Variants in SV2C observed in about 807,000 individuals in gnomAD.
The protein encoded by SV2C is synaptic vesicle glycoprotein 2C.
In SV2C, 49 loss-of-function variants were observed where a neutral mutation model predicts 79.7. The observed-to-expected ratio is 0.61, with a 90% confidence interval of 0.49 to 0.78. The LOEUF (loss-of-function observed/expected upper bound fraction) is 0.78. SV2C is among the 30% of genes least tolerant of loss of function. The probability of loss-of-function intolerance (pLI) is 0.00; values close to 1 mark genes in which losing one functional copy is unlikely to be tolerated. For missense variants in SV2C, 833 were observed against 912.9 expected (o/e 0.91, Z 1.13); for synonymous variants, 334 against 333.2 (o/e 1.00, Z -0.03).
Position 76,116,223 on chromosome 5 carries a change from CCTTATTTTTAT to C in SV2C, c.-101-15424_-101-15414del, listed in dbSNP as rs561340673. Among the ~76,000 whole-genome samples, 47 of 152,310 alleles carry C rather than the reference CCTTATTTTTAT, an allele frequency of 3.1e-4. No homozygotes were observed. The South Asian group carries it at 9.3e-3, about 30-fold the overall frequency. On this transcript the variant is annotated intron_variant, in intron 1 of 12. Coordinates refer to ENST00000502798, the MANE Select transcript of SV2C (RefSeq NM_014979.4). ...AGAGCTGCTCTAACCCCTTACCCTG[CCTTATTTTTAT>C]CTGTGGCACTCACCACTACATGGAG...
intron 1 of SV2C, chr5:76,083,893 G>T: frequency 6.6e-6 from 1 of 152,404 alleles, no homozygotes. Flanking sequence ...GGCAGGGATA[G>T]GCAGATTCAA....
At chr5:75,882,644 T>C in the SV2C span, among the ~76,000 whole-genome samples, 1 of 151,942 alleles carries the variant, frequency 6.6e-6, no homozygotes, top group African/African-American at 2.4e-5. Context: ...AAACAAGCAA[T>C]GAGGAAAGGA....
At chr5:75,997,707 A>G in the SV2C span, among the ~76,000 whole-genome samples, 444 of 152,296 alleles carry the variant, frequency 2.9e-3, 2 homozygotes, top group African/African-American at 0.01. Context: ...GCTGGAGAGG[A>G]TGTGGAGAAA....
At chr5:76,023,047 A>G in the SV2C span, among the ~76,000 whole-genome samples, 1 of 152,244 alleles carries the variant, frequency 6.6e-6, no homozygotes, top group South Asian at 2.1e-4. Context: ...TCACAGTGAA[A>G]CAACTAACTG....
At position 76,328,509 on chromosome 5, in the gene SV2C, C is replaced by G. The variant is rs937953464; in HGVS notation, c.*2962C>G. On this transcript the variant is annotated 3_prime_UTR_variant, in exon 13 of 13. Coordinates refer to ENST00000502798, the MANE Select transcript of SV2C (RefSeq NM_014979.4). ...GGTTTTAAGGCACCCAACTCACATTCAGTCCTGCTGCCTGAATCATCTCAC... is the reference window on the plus strand; with the variant it reads ...GGTTTTAAGGCACCCAACTCACATTGAGTCCTGCTGCCTGAATCATCTCAC... The G allele has an allele frequency of 2.0e-5, 3 of 152,206 alleles. No homozygotes were observed. The highest frequency in any genetic ancestry group is 7.2e-5 in the African/African-American group (3 of 41,446). 9.4% of individuals were successfully genotyped at this position (152,206 alleles called of 1,614,324 possible).
At chr5:76,076,603 G>A in the SV2C span, among the ~76,000 whole-genome samples, 1 of 151,984 alleles carries the variant, frequency 6.6e-6, no homozygotes, top group Non-Finnish European at 1.5e-5. Flanking sequence ...CATAGGATTT[G>A]CATTTCTTTC....
At chr5:76,297,624 C>T (rs1747820471) in intron 9 of SV2C, among the ~76,000 whole-genome samples, 1 of 151,858 alleles carries the variant, frequency 6.6e-6, no homozygotes, top group Non-Finnish European at 1.5e-5. Flanking sequence ...ACTCTGGGTC[C>T]CTGGAGTGGG....
At chr5:76,140,515 C>T (rs892088220) in intron 2 of SV2C, among the ~76,000 whole-genome samples, 1 of 152,128 alleles carries the variant, frequency 6.6e-6, no homozygotes, top group African/African-American at 2.4e-5. Context: ...TAAGATTCCC[C>T]TTTGCTAGTT....
At chr5:76,220,611 C>G (rs746371123) in intron 4 of SV2C, among the ~76,000 whole-genome samples, 7 of 109,296 alleles carry the variant, frequency 6.4e-5, no homozygotes, top group Non-Finnish European at 1.1e-4. Context: ...GGAAGGGACA[C>G]TGTCTTAAAA....
rs552760893 is a variant in SV2C at position 76,181,741 on chromosome 5, A to G, written c.581-13178A>G. ...CCACTTCCCACCAGGCCCCACCTTCAACATGTGGGGATTACAATTCAACTT... is the reference window on the plus strand; with the variant it reads ...CCACTTCCCACCAGGCCCCACCTTCGACATGTGGGGATTACAATTCAACTT... On this transcript the variant is annotated intron_variant, in intron 2 of 12. Transcript: ENST00000502798. 8.5e-5 allele frequency among the ~76,000 whole-genome samples: 13 copies of G among 152,324 alleles called. No individual in the cohort carries two copies. In the South Asian group the frequency reaches 1.2e-3, roughly 15 times the overall value.
chr5:75,880,818 CTG>C, the SV2C span, among the ~76,000 whole-genome samples: 1 of 152,120 alleles, frequency 6.6e-6, no homozygotes, highest in Admixed American at 6.6e-5. Flanking sequence ...TACCAATTTT[CTG>C]TATTAGGCCA....
chr5:75,911,223 T>G, the SV2C span: 1 of 1,572,692 alleles, frequency 6.4e-7, no homozygotes, highest in Non-Finnish European at 8.7e-7. Context: ...AGCCCTCTCC[T>G]ACCATTGGGA....
chr5:76,245,936 A>ATGTGTATGTGTGTGTGTGTG (rs375007331), intron 4 of SV2C, among the ~76,000 whole-genome samples: 266 of 129,146 alleles, frequency 2.1e-3, no homozygotes, highest in African/African-American at 6.8e-3. Context: ...GTGTGTGTGT[A>ATGTGTATGTGTGTGTGTGTG]TGTGTGTGTG....
the SV2C span, among the ~76,000 whole-genome samples, chr5:75,978,837 G>C: frequency 3.8e-3 from 578 of 152,134 alleles, 8 homozygotes; most frequent in African/African-American, 0.013. Flanking sequence ...GCTCATACCT[G>C]TAATTCCACC....
chr5:76,187,377 C>A (rs559086125), intron 2 of SV2C, among the ~76,000 whole-genome samples: 16 of 152,306 alleles, frequency 1.1e-4, no homozygotes, highest in African/African-American at 3.4e-4. Context: ...ACAAGTAGCA[C>A]TATTGCTTGA....
the SV2C span, among the ~76,000 whole-genome samples, chr5:75,967,422 T>C: frequency 6.6e-6 from 1 of 152,160 alleles, no homozygotes; most frequent in African/African-American, 2.4e-5. Context: ...CCTTTCCTAC[T>C]CAAAGAAGGG....
At chr5:76,348,019 A>G (rs1187051309) in intron 12 of SV2C, among the ~76,000 whole-genome samples, 1 of 152,188 alleles carries the variant, frequency 6.6e-6, no homozygotes, top group Non-Finnish European at 1.5e-5. Flanking sequence ...ATCCACCATT[A>G]TAGAATCATA....
chr5:76,243,488 A>AT (rs963297776), intron 4 of SV2C, among the ~76,000 whole-genome samples: 6 of 152,202 alleles, frequency 3.9e-5, no homozygotes, highest in African/African-American at 1.2e-4. Flanking sequence ...GGGAAGAGAG[A>AT]TTTTTTTAAA....
intron 4 of SV2C, among the ~76,000 whole-genome samples, chr5:76,258,615 C>T (rs1288970087): frequency 6.6e-6 from 1 of 152,160 alleles, no homozygotes; most frequent in African/African-American, 2.4e-5. Flanking sequence ...ATGCCTGGAG[C>T]TTTGGTATTT....
Sources: gnomAD v4.1 joint callset for allele counts (sites outside exome capture counted in the v4.1 genomes callset) on GRCh38, gnomAD v4.1.1 for gene constraint, MANE v1.5 for transcripts, NCBI Gene and HGNC (gene_info 2026-07-23, HGNC 2026-07-21) for gene names.